The following PLCE1 variants were observed in gnomAD, a reference collection of about 807,000 sequenced individuals.
The protein encoded by PLCE1 is phospholipase C epsilon 1, also known as 1-phosphatidylinositol 4,5-bisphosphate phosphodiesterase epsilon-1.
Under a neutral mutation model 242.8 loss-of-function variants are expected in PLCE1, and 119 were observed. The ratio of observed to expected loss-of-function variants is 0.49; its 90% CI spans 0.42 to 0.57. The LOEUF is 0.57. Ranked by LOEUF, PLCE1 falls within the 20% of genes least tolerant of loss-of-function variation. The pLI is 0.00. For synonymous variants in PLCE1, 945 were observed against 1,017.4 expected, an observed-to-expected ratio of 0.93 and a Z score of 1.35; for missense variants, 2,441 against 2,788.8, an observed-to-expected ratio of 0.88 and a Z score of 2.81.
chr10:94,246,251 G>A lies in PLCE1; in HGVS notation c.2726G>A (p.Gly909Asp), dbSNP rs1181732024. 1 of 1,614,188 alleles carries A rather than the reference G, an allele frequency of 6.2e-7. No homozygotes were observed. The change falls in exon 8 of 33, where the codon GGT (glycine) becomes GAT (aspartate). Residue 909 changes from glycine to aspartate, a missense_variant. By Grantham distance (94) the Gly-to-Asp change is moderately conservative (BLOSUM62 -1). This residue lies in a region of PLCE1 where 733 missense variants were observed against 754.2 expected (regional missense o/e 0.97). Coordinates refer to ENST00000371380, the MANE Select transcript of PLCE1 (RefSeq NM_016341.4). ...ASPASSKAKLGVLNNTAEPGK... is the reference protein window; with the variant it reads ...ASPASSKAKLDVLNNTAEPGK... The stretch of plus-strand genomic sequence containing the variant: ...CCAGCCAGCAGTAAAGCAAAACTTG[G>A]TGTACTTAATAACACAGCTGAGCCT...
At chr10:94,026,026 A>G (rs1033056577) in intron 1 of PLCE1, among the ~76,000 whole-genome samples, 3 of 152,194 alleles carry the variant, frequency 2.0e-5, no homozygotes, top group Non-Finnish European at 2.9e-5. Flanking sequence ...GCTGTGTTCC[A>G]ATAAAATTTC....
intron 2 of PLCE1, among the ~76,000 whole-genome samples, chr10:94,080,072 G>T (rs2044613254): frequency 6.6e-6 from 1 of 152,144 alleles, no homozygotes; most frequent in Non-Finnish European, 1.5e-5. Flanking sequence ...GTTACTTTCA[G>T]CTGTCTTTCA....
intron 4 of PLCE1, among the ~76,000 whole-genome samples, chr10:94,193,834 C>T (rs551979010): frequency 6.6e-5 from 10 of 152,334 alleles, no homozygotes; most frequent in Non-Finnish European, 1.0e-4. Context: ...GAAACAAATT[C>T]GCTCTACTGT....
At chr10:93,998,264 G>T (rs1340247546) in intron 1 of PLCE1, among the ~76,000 whole-genome samples, 3 of 152,166 alleles carry the variant, frequency 2.0e-5, no homozygotes, top group Admixed American at 1.3e-4. Context: ...TAACCCCAAG[G>T]TTTCTCCTTT....
At chr10:94,257,667 A>G (rs2051147086) in intron 11 of PLCE1, among the ~76,000 whole-genome samples, 1 of 152,198 alleles carries the variant, frequency 6.6e-6, no homozygotes. Context: ...AAACTATCGC[A>G]AGGACAGAAA....
chr10:94,172,919 G>A (rs1254961827), intron 4 of PLCE1, among the ~76,000 whole-genome samples: 1 of 152,208 alleles, frequency 6.6e-6, no homozygotes, highest in Non-Finnish European at 1.5e-5. Flanking sequence ...GTAAATGTCA[G>A]TGACCATGAT....
intron 6 of PLCE1, chr10:94,235,706 G>A (rs1031308678): frequency 1.0e-6 from 1 of 982,650 alleles, no homozygotes; most frequent in African/African-American, 1.8e-5. Flanking sequence ...TTCCCAGAGG[G>A]ATTAAAGTTG....
chr10:94,043,191 C>A (rs370869794), intron 2 of PLCE1, among the ~76,000 whole-genome samples: 7 of 152,226 alleles, frequency 4.6e-5, no homozygotes, highest in African/African-American at 1.7e-4. Context: ...GAGTGAGGCA[C>A]CTGGAGGAAA....
intron 4 of PLCE1, among the ~76,000 whole-genome samples, chr10:94,195,762 T>G (rs2048801235): frequency 6.6e-6 from 1 of 152,190 alleles, no homozygotes; most frequent in African/African-American, 2.4e-5. Context: ...TATGAAATCC[T>G]GACTTTTGGG....
At chr10:94,008,441 T>G (rs1180744131) in intron 1 of PLCE1, among the ~76,000 whole-genome samples, 1 of 152,080 alleles carries the variant, frequency 6.6e-6, no homozygotes, top group East Asian at 1.9e-4. Context: ...CCTGAGTAAC[T>G]GGGATTACAG....
chr10:94,145,747 T>G (rs11187794), intron 3 of PLCE1, among the ~76,000 whole-genome samples: 4,486 of 151,920 alleles, frequency 0.03, 214 homozygotes, highest in African/African-American at 0.099. Context: ...GCATCTCCAT[T>G]TTGGACCCTG....
At chr10:94,011,044 G>A (rs974979338) in intron 1 of PLCE1, among the ~76,000 whole-genome samples, 1 of 152,072 alleles carries the variant, frequency 6.6e-6, no homozygotes, top group Admixed American at 6.5e-5. Context: ...GATTTTCTGT[G>A]TTAGTCATTC....
At chr10:94,016,870 T>C (rs1337418184) in intron 1 of PLCE1, among the ~76,000 whole-genome samples, 1 of 152,146 alleles carries the variant, frequency 6.6e-6, no homozygotes, top group Non-Finnish European at 1.5e-5. Context: ...GGCCAAAGCT[T>C]GCTTTGTTTT....
At chr10:94,279,576 G>A in intron 19 of PLCE1, 2 of 606,392 alleles carry the variant, frequency 3.3e-6, no homozygotes, top group Admixed American at 2.7e-5. Context: ...AAAAGCTCCA[G>A]GATTCTTCCT....
At chr10:94,173,067 T>C (rs932481925) in intron 4 of PLCE1, among the ~76,000 whole-genome samples, 1 of 152,192 alleles carries the variant, frequency 6.6e-6, no homozygotes, top group Non-Finnish European at 1.5e-5. Flanking sequence ...TACAACAACC[T>C]TGGGAGACAG....
At chr10:94,287,891 C>T (rs2052515620) in intron 22 of PLCE1, among the ~76,000 whole-genome samples, 1 of 152,010 alleles carries the variant, frequency 6.6e-6, no homozygotes, top group Non-Finnish European at 1.5e-5. Flanking sequence ...CTCAACCTTG[C>T]CTGGCCTTCC....
intron 4 of PLCE1, among the ~76,000 whole-genome samples, chr10:94,187,337 G>T (rs1279551267): frequency 6.6e-6 from 1 of 152,116 alleles, no homozygotes; most frequent in Non-Finnish European, 1.5e-5. Flanking sequence ...CATGATATGG[G>T]ATGTCAGTAT....
chr10:94,091,910 T>C (rs2045089238), intron 2 of PLCE1, among the ~76,000 whole-genome samples: 1 of 152,170 alleles, frequency 6.6e-6, no homozygotes. Flanking sequence ...ACTTGTAGAT[T>C]GGCAAAATAC....
At chr10:94,255,922 T>A (rs1189305131) in intron 11 of PLCE1, among the ~76,000 whole-genome samples, 2,664 of 70,578 alleles carry the variant, frequency 0.038, 24 homozygotes, top group Middle Eastern at 0.062. Flanking sequence ...ACACTCTCTC[T>A]CTCTCTCTCT....
Sources: gnomAD v4.1 joint callset for allele counts (sites outside exome capture counted in the v4.1 genomes callset) on GRCh38, gnomAD v4.1.1 for gene constraint, gnomAD v4.1.1 regional missense constraint, MANE v1.5 for transcripts, NCBI Gene and HGNC (gene_info 2026-07-23, HGNC 2026-07-21) for gene names.